Variants in ZFPM2 observed in about 807,000 individuals in gnomAD.
ZFPM2 encodes the protein zinc finger protein ZFPM2.
In ZFPM2, 20 loss-of-function variants were observed where a neutral mutation model predicts 98.6. That is an observed-to-expected ratio of 0.20 (90% CI 0.14 to 0.29). The LOEUF (loss-of-function observed/expected upper bound fraction) is 0.29. Among genes scored for constraint, ZFPM2 ranks in the 10% least tolerant of loss-of-function variants. The pLI, the probability that ZFPM2 is intolerant of heterozygous loss-of-function variation, is 1.00. For missense variants in ZFPM2, 1,310 were observed against 1,388.6 expected (o/e 0.94, Z 0.90); for synonymous variants, 518 against 502.7 (o/e 1.03, Z -0.41).
intron 3 of ZFPM2, among the ~76,000 whole-genome samples, chr8:105,465,377 A>G (rs1229940318): frequency 1.3e-5 from 2 of 152,028 alleles, no homozygotes; most frequent in Non-Finnish European, 2.9e-5. Context: ...CCATATTGAT[A>G]TCTACATCTG....
intron 3 of ZFPM2, among the ~76,000 whole-genome samples, chr8:105,535,370 A>G (rs1392697708): frequency 3.9e-5 from 6 of 152,206 alleles, no homozygotes; most frequent in African/African-American, 1.4e-4. Flanking sequence ...TTCTAAACCT[A>G]AATGAGTAGA....
At chr8:105,752,791 T>C (rs1003370187) in intron 5 of ZFPM2, among the ~76,000 whole-genome samples, 4 of 152,118 alleles carry the variant, frequency 2.6e-5, no homozygotes, top group African/African-American at 9.7e-5. Flanking sequence ...CCTCTATAGA[T>C]ACTTGAAAAT....
intron 4 of ZFPM2, among the ~76,000 whole-genome samples, chr8:105,629,831 G>A (rs1422794155): frequency 6.6e-6 from 1 of 152,008 alleles, no homozygotes; most frequent in Non-Finnish European, 1.5e-5. Context: ...AAAGCAGATG[G>A]CATTTTTTTC....
At chr8:105,417,210 AT>A (rs1345599282) in intron 1 of ZFPM2, among the ~76,000 whole-genome samples, 1 of 152,160 alleles carries the variant, frequency 6.6e-6, no homozygotes, top group Admixed American at 6.6e-5. Context: ...TGGAAACCTT[AT>A]TCTAGTTAAC....
chr8:105,742,887 G>A (rs1457090860), intron 5 of ZFPM2, among the ~76,000 whole-genome samples: 4 of 152,046 alleles, frequency 2.6e-5, no homozygotes, highest in Non-Finnish European at 4.4e-5. Context: ...CTCCATCTCA[G>A]ACAAACAAAC....
chr8:105,455,622 T>G (rs1812573984), intron 3 of ZFPM2, among the ~76,000 whole-genome samples: 1 of 152,176 alleles, frequency 6.6e-6, no homozygotes. Flanking sequence ...CTGATGACTA[T>G]GTAGAGAGTG....
intron 3 of ZFPM2, among the ~76,000 whole-genome samples, chr8:105,517,853 A>G (rs1321364325): frequency 6.6e-6 from 1 of 152,106 alleles, no homozygotes; most frequent in Non-Finnish European, 1.5e-5. Flanking sequence ...TCCAGATTGC[A>G]GTGAACCATG....
chr8:105,320,455 C>A (rs1303579521), intron 1 of ZFPM2, among the ~76,000 whole-genome samples: 1 of 151,222 alleles, frequency 6.6e-6, no homozygotes, highest in Non-Finnish European at 1.5e-5. Flanking sequence ...TTTGAAGACT[C>A]ACTTTTTCAG....
At chr8:105,751,298 A>G (rs1000412282) in intron 5 of ZFPM2, among the ~76,000 whole-genome samples, 1 of 152,146 alleles carries the variant, frequency 6.6e-6, no homozygotes, top group Non-Finnish European at 1.5e-5. Context: ...AATAAAAATA[A>G]TGATAACTGA....
intron 3 of ZFPM2, among the ~76,000 whole-genome samples, chr8:105,449,321 A>G (rs1475214776): frequency 6.6e-6 from 1 of 152,054 alleles, no homozygotes; most frequent in African/African-American, 2.4e-5. Context: ...CACCCCCACA[A>G]TAACATGTGT....
intron 5 of ZFPM2, among the ~76,000 whole-genome samples, chr8:105,708,384 A>G (rs1363485327): frequency 6.6e-6 from 1 of 152,020 alleles, no homozygotes; most frequent in Non-Finnish European, 1.5e-5. Context: ...CTTTAATGTC[A>G]TTATGATTCT....
At chr8:105,491,106 A>G (rs1262408023) in intron 3 of ZFPM2, among the ~76,000 whole-genome samples, 6 of 152,082 alleles carry the variant, frequency 3.9e-5, no homozygotes, top group Non-Finnish European at 7.4e-5. Flanking sequence ...GATGGCATGT[A>G]TATTTAATTG....
At chr8:105,780,781 G>A (rs968117782) in intron 5 of ZFPM2, among the ~76,000 whole-genome samples, 1 of 152,220 alleles carries the variant, frequency 6.6e-6, no homozygotes, top group Admixed American at 6.5e-5. Flanking sequence ...TTGGGAGGCT[G>A]AGGCAGGAGA....
At chr8:105,743,209 G>C (rs996205914) in intron 5 of ZFPM2, among the ~76,000 whole-genome samples, 9 of 151,954 alleles carry the variant, frequency 5.9e-5, no homozygotes, top group African/African-American at 2.2e-4. Flanking sequence ...AAGGGAATGG[G>C]CATAGAGGAA....
At chr8:105,567,213 T>G (rs1815260282) in intron 4 of ZFPM2, among the ~76,000 whole-genome samples, 1 of 152,182 alleles carries the variant, frequency 6.6e-6, no homozygotes, top group South Asian at 2.1e-4. Context: ...TCTACCTATG[T>G]CTCCAGCATT....
At chr8:105,582,820 C>G (rs903470571) in intron 4 of ZFPM2, among the ~76,000 whole-genome samples, 1 of 152,146 alleles carries the variant, frequency 6.6e-6, no homozygotes, top group South Asian at 2.1e-4. Context: ...TTTCAAACTC[C>G]TGGGCTCAAG....
At chr8:105,673,186 GC>G (rs1817626984) in intron 5 of ZFPM2, among the ~76,000 whole-genome samples, 1 of 63,536 alleles carries the variant, frequency 1.6e-5, no homozygotes, top group East Asian at 3.4e-4. Context: ...CAAATAGCAT[GC>G]TTTTTTTTTT....
intron 2 of ZFPM2, among the ~76,000 whole-genome samples, chr8:105,434,893 GTGAC>G (rs1346254696): frequency 9.9e-5 from 15 of 152,200 alleles, no homozygotes; most frequent in African/African-American, 3.4e-4. Flanking sequence ...TGCTGAAAAA[GTGAC>G]TGTCTCGGAA....
chr8:105,635,467 A>G (rs912590569), intron 5 of ZFPM2, among the ~76,000 whole-genome samples: 11 of 152,146 alleles, frequency 7.2e-5, no homozygotes, highest in African/African-American at 1.9e-4. Context: ...CTAAAAAAAA[A>G]AAAACAATCT....
Sources: allele counts gnomAD v4.1 joint callset (sites outside exome capture counted in the v4.1 genomes callset), GRCh38; gene constraint gnomAD v4.1.1; transcripts MANE v1.5; gene names NCBI Gene and HGNC (gene_info 2026-07-23, HGNC 2026-07-21).